The following KCNIP1 variants were observed in gnomAD, a reference collection of about 807,000 sequenced individuals.
KCNIP1 encodes A-type potassium channel modulatory protein KCNIP1.
A neutral mutation model predicts 33.0 loss-of-function variants in KCNIP1; 18 were observed. The ratio of observed to expected loss-of-function variants is 0.55; its 90% CI spans 0.38 to 0.81. KCNIP1 has a LOEUF of 0.81. KCNIP1 is among the 30% of genes least tolerant of loss of function. The probability of loss-of-function intolerance (pLI) is 0.00; values close to 1 mark genes in which losing one functional copy is unlikely to be tolerated. For synonymous variants in KCNIP1, 93 were observed against 98.3 expected (o/e 0.95, Z 0.32); for missense variants, 238 against 271.6 (o/e 0.88, Z 0.87).
At chr5:170,605,771 T>TC (rs148466001) in intron 1 of KCNIP1, among the ~76,000 whole-genome samples, 1,455 of 35,648 alleles carry the variant, frequency 0.041, 25 homozygotes, top group African/African-American at 0.099. Flanking sequence ...AACCCTGTTC[T>TC]TTTTTTTTTT....
chr5:170,440,644 A>G (rs1189667822), intron 1 of KCNIP1, among the ~76,000 whole-genome samples: 1 of 152,208 alleles, frequency 6.6e-6, no homozygotes, highest in Non-Finnish European at 1.5e-5. Context: ...AGTATGACAC[A>G]GGATCCCTCT....
At chr5:170,440,326 T>G (rs1231430755) in intron 1 of KCNIP1, among the ~76,000 whole-genome samples, 2 of 152,182 alleles carry the variant, frequency 1.3e-5, no homozygotes, top group South Asian at 2.1e-4. Flanking sequence ...CCCAGATACC[T>G]AAACAGAAAA....
At chr5:170,595,106 C>T (rs1403814550) in intron 1 of KCNIP1, among the ~76,000 whole-genome samples, 1 of 152,202 alleles carries the variant, frequency 6.6e-6, no homozygotes, top group Non-Finnish European at 1.5e-5. Context: ...CCAAGCATCT[C>T]CCCAGTCCTA....
intron 1 of KCNIP1, among the ~76,000 whole-genome samples, chr5:170,362,173 A>G (rs1763531085): frequency 6.6e-6 from 1 of 152,136 alleles, no homozygotes; most frequent in Non-Finnish European, 1.5e-5. Context: ...AACCCCACTT[A>G]CAGATATAAA....
intron 1 of KCNIP1, among the ~76,000 whole-genome samples, chr5:170,593,357 A>G (rs1758332224): frequency 6.6e-6 from 1 of 152,114 alleles, no homozygotes. Flanking sequence ...TCCTTCCAGA[A>G]ATGTTTAACA....
At chr5:170,430,472 C>T (rs1004953094) in intron 1 of KCNIP1, among the ~76,000 whole-genome samples, 10 of 152,178 alleles carry the variant, frequency 6.6e-5, no homozygotes, top group African/African-American at 1.9e-4. Flanking sequence ...CCTTCAAAGC[C>T]CAGCTCATGG....
At chr5:170,633,679 AGGAGGGGG>A (rs1760152398) in intron 1 of KCNIP1, among the ~76,000 whole-genome samples, 1 of 115,138 alleles carries the variant, frequency 8.7e-6, no homozygotes, top group Non-Finnish European at 1.8e-5. Context: ...GGTGGGCGGA[AGGAGGGGG>A]CGGGGCGGAG....
At chr5:170,392,353 T>C (rs1341432266) in intron 1 of KCNIP1, among the ~76,000 whole-genome samples, 2 of 152,194 alleles carry the variant, frequency 1.3e-5, no homozygotes, top group Admixed American at 1.3e-4. Flanking sequence ...AAAAAACTAA[T>C]GTTTCATGCC....
At chr5:170,568,476 G>A (rs552297876) in intron 1 of KCNIP1, among the ~76,000 whole-genome samples, 38 of 151,786 alleles carry the variant, frequency 2.5e-4, no homozygotes, top group Non-Finnish European at 4.1e-4. Context: ...TGAGCTCACC[G>A]CCTCCTGAGA....
At chr5:170,551,187 C>T (rs1379160875) in intron 1 of KCNIP1, among the ~76,000 whole-genome samples, 1 of 152,228 alleles carries the variant, frequency 6.6e-6, no homozygotes, top group Admixed American at 6.5e-5. Flanking sequence ...GGGTCCAGCT[C>T]AATGGTGAGA....
chr5:170,576,490 A>C (rs545457597), intron 1 of KCNIP1, among the ~76,000 whole-genome samples: 2 of 152,332 alleles, frequency 1.3e-5, no homozygotes, highest in South Asian at 2.1e-4. Flanking sequence ...CCAGAGTTGT[A>C]AAAGAGCATG....
chr5:170,402,098 G>A (rs924949921), intron 1 of KCNIP1, among the ~76,000 whole-genome samples: 17 of 152,154 alleles, frequency 1.1e-4, no homozygotes, highest in South Asian at 4.1e-4. Flanking sequence ...GCCTTCTCCT[G>A]CTCTGTCAGT....
intron 1 of KCNIP1, among the ~76,000 whole-genome samples, chr5:170,507,709 C>A (rs777475986): frequency 6.6e-6 from 1 of 152,174 alleles, no homozygotes; most frequent in Non-Finnish European, 1.5e-5. Flanking sequence ...AGGGCAAAAA[C>A]TCTGCATGAT....
chr5:170,511,622 G>A (rs1394264704), intron 1 of KCNIP1, among the ~76,000 whole-genome samples: 1 of 152,206 alleles, frequency 6.6e-6, no homozygotes, highest in East Asian at 1.9e-4. Flanking sequence ...AAATGACTCT[G>A]GCCTCCACCC....
intron 1 of KCNIP1, among the ~76,000 whole-genome samples, chr5:170,597,820 T>TATGAAA (rs1554103533): frequency 4.8e-4 from 27 of 56,358 alleles, no homozygotes; most frequent in African/African-American, 6.9e-4. Flanking sequence ...TATATATATA[T>TATGAAA]ATATATATAT....
At chr5:170,622,267 A>G (rs1298528275) in intron 1 of KCNIP1, among the ~76,000 whole-genome samples, 1 of 152,166 alleles carries the variant, frequency 6.6e-6, no homozygotes, top group Non-Finnish European at 1.5e-5. Context: ...ATGGGTCTCA[A>G]GATGAAATCA....
At chr5:170,542,349 C>A (rs1386960321) in intron 1 of KCNIP1, among the ~76,000 whole-genome samples, 1 of 152,216 alleles carries the variant, frequency 6.6e-6, no homozygotes, top group Non-Finnish European at 1.5e-5. Context: ...GCAGGTTCAT[C>A]ACTTGAACTC....
intron 2 of KCNIP1, 42 bp downstream of exon 2, chr5:170,718,924 A>T (rs767583636): frequency 6.3e-7 from 1 of 1,590,878 alleles, no homozygotes; most frequent in Admixed American, 1.9e-5. Flanking sequence ...GGGGGTTCCC[A>T]CGTGAGGCTA....
chr5:170,568,250 G>A (rs754328757), intron 1 of KCNIP1, among the ~76,000 whole-genome samples: 1 of 152,284 alleles, frequency 6.6e-6, no homozygotes, highest in Non-Finnish European at 1.5e-5. Context: ...AATCCTTCAT[G>A]CATCCAGCAA....
Sources: allele counts gnomAD v4.1 joint callset (sites outside exome capture counted in the v4.1 genomes callset), GRCh38; gene constraint gnomAD v4.1.1; transcripts MANE v1.5; gene names NCBI Gene and HGNC (gene_info 2026-07-23, HGNC 2026-07-21).